IMMP2L: variants seen among roughly 807,000 people sequenced by gnomAD.
IMMP2L encodes the protein mitochondrial inner membrane protease subunit 2.
IMMP2L carries 18 observed loss-of-function variants against 19.3 expected under a neutral mutation model. The observed-to-expected ratio is 0.93, with a 90% CI of 0.64 to 1.38. The LOEUF (loss-of-function observed/expected upper bound fraction) is 1.38. IMMP2L is among the 40% of genes most tolerant of loss of function. IMMP2L has a pLI of 0.00. For missense variants in IMMP2L, 233 were observed against 218.2 expected (o/e 1.07, Z -0.43); for synonymous variants, 76 against 73.0 (o/e 1.04, Z -0.21).
At chr7:111,337,905 T>A (rs1249890000) in intron 3 of IMMP2L, among the ~76,000 whole-genome samples, 1 of 152,140 alleles carries the variant, frequency 6.6e-6, no homozygotes, top group Non-Finnish European at 1.5e-5. Context: ...AAATCTGTCA[T>A]GTGAAGGCCT....
At chr7:110,666,695 C>T (rs765444187) in intron 5 of IMMP2L, among the ~76,000 whole-genome samples, 5 of 152,098 alleles carry the variant, frequency 3.3e-5, no homozygotes, top group Non-Finnish European at 5.9e-5. Flanking sequence ...CCTCACCTTC[C>T]GCACTCCATA....
chr7:111,352,845 A>G (rs1828314293), intron 3 of IMMP2L, among the ~76,000 whole-genome samples: 1 of 152,096 alleles, frequency 6.6e-6, no homozygotes, highest in Admixed American at 6.6e-5. Context: ...GTAGACTCTA[A>G]TCATGTATTC....
At chr7:110,743,567 T>G (rs943465548) in intron 5 of IMMP2L, among the ~76,000 whole-genome samples, 40 of 152,326 alleles carry the variant, frequency 2.6e-4, no homozygotes, top group African/African-American at 8.9e-4. Context: ...AGGTGATTTC[T>G]GCATTTCCAA....
chr7:111,260,466 G>A (rs964510851), intron 3 of IMMP2L, among the ~76,000 whole-genome samples: 2 of 152,110 alleles, frequency 1.3e-5, no homozygotes, highest in Non-Finnish European at 2.9e-5. Context: ...CCCTTGGCCA[G>A]TTCACTACAG....
At chr7:110,891,916 G>A (rs1810838515) in intron 4 of IMMP2L, among the ~76,000 whole-genome samples, 1 of 152,124 alleles carries the variant, frequency 6.6e-6, no homozygotes, top group Non-Finnish European at 1.5e-5. Flanking sequence ...TCCAAAGAAA[G>A]AGAATAAAAA....
At chr7:111,544,727 A>G (rs1193418787) in intron 1 of IMMP2L, among the ~76,000 whole-genome samples, 1 of 152,066 alleles carries the variant, frequency 6.6e-6, no homozygotes, top group Non-Finnish European at 1.5e-5. Flanking sequence ...AAATAAGGTG[A>G]GAGAAAAGCA....
Position 111,410,901 on chromosome 7 carries a change from G to C in IMMP2L, c.239+76337C>G, listed in dbSNP as rs1290762477. On this transcript the variant is annotated intron_variant, in intron 3 of 5. Coordinates refer to ENST00000405709, the MANE Select transcript of IMMP2L (RefSeq NM_032549.4). The stretch of plus-strand genomic sequence containing the variant: ...ATAAACAGTCTTGGTAACATGTGAG[G>C]GCAACAACAATCTAACATTTTTATA... Among the ~76,000 whole-genome samples the C allele has an allele frequency of 2.0e-5, 3 of 150,978 alleles. 1 individual carries two copies. The highest frequency in any genetic ancestry group is 7.3e-5 in the African/African-American group (3 of 40,866).
chr7:111,138,012 T>A (rs1802511581), intron 3 of IMMP2L, among the ~76,000 whole-genome samples: 1 of 152,134 alleles, frequency 6.6e-6, no homozygotes, highest in African/African-American at 2.4e-5. Flanking sequence ...GTTTTTTTTG[T>A]ACAAATGGGG....
At chr7:110,940,638 TC>T (rs1816642800) in intron 4 of IMMP2L, among the ~76,000 whole-genome samples, 1 of 152,134 alleles carries the variant, frequency 6.6e-6, no homozygotes, top group Non-Finnish European at 1.5e-5. Flanking sequence ...AATCTCCTCA[TC>T]TATAACGTGA....
chr7:110,791,308 C>T (rs147896638), intron 5 of IMMP2L, among the ~76,000 whole-genome samples: 1 of 151,554 alleles, frequency 6.6e-6, no homozygotes, highest in East Asian at 2.0e-4. Flanking sequence ...TTGGTGCTAT[C>T]CAAGCAGAAA....
At chr7:111,173,153 G>A (rs1806642287) in intron 3 of IMMP2L, among the ~76,000 whole-genome samples, 1 of 151,466 alleles carries the variant, frequency 6.6e-6, no homozygotes, top group Non-Finnish European at 1.5e-5. Flanking sequence ...TACTACTGAA[G>A]TGTTGCAGTC....
intron 3 of IMMP2L, among the ~76,000 whole-genome samples, chr7:111,215,990 C>A (rs940632801): frequency 2.0e-5 from 3 of 152,136 alleles, no homozygotes; most frequent in Non-Finnish European, 4.4e-5. Flanking sequence ...GAAATTCATA[C>A]TTGTTAAGTC....
intron 3 of IMMP2L, among the ~76,000 whole-genome samples, chr7:111,010,059 T>G (rs1824771507): frequency 6.6e-6 from 1 of 152,270 alleles, no homozygotes; most frequent in South Asian, 2.1e-4. Context: ...GTTTCAACTA[T>G]ATCAGCATAT....
chr7:110,908,998 C>T (rs957080282), intron 4 of IMMP2L, among the ~76,000 whole-genome samples: 4 of 152,084 alleles, frequency 2.6e-5, no homozygotes, highest in Admixed American at 2.6e-4. Flanking sequence ...GAGAAAGGTA[C>T]AGGAAGCCAA....
At chr7:111,315,772 G>A (rs531242903) in intron 3 of IMMP2L, among the ~76,000 whole-genome samples, 3 of 150,788 alleles carry the variant, frequency 2.0e-5, no homozygotes, top group African/African-American at 7.3e-5. Flanking sequence ...TAATAAAAAG[G>A]TGAGTATTAC....
chr7:111,325,075 G>A (rs1825168176), intron 3 of IMMP2L, among the ~76,000 whole-genome samples: 1 of 151,756 alleles, frequency 6.6e-6, no homozygotes, highest in Admixed American at 6.6e-5. Context: ...CCATCTCATA[G>A]AGAATGCAAT....
chr7:111,147,226 T>C (rs901978986), intron 3 of IMMP2L, among the ~76,000 whole-genome samples: 1 of 152,112 alleles, frequency 6.6e-6, no homozygotes, highest in African/African-American at 2.4e-5. Context: ...CCGTTGTTGT[T>C]GCTGTTGTTG....
intron 3 of IMMP2L, among the ~76,000 whole-genome samples, chr7:110,966,602 A>C (rs566526320): frequency 7.2e-4 from 110 of 152,004 alleles, no homozygotes; most frequent in Non-Finnish European, 1.3e-3. Flanking sequence ...AGAGTATGCA[A>C]AGGGAGCTAT....
chr7:111,466,450 T>C (rs536149571), intron 3 of IMMP2L, among the ~76,000 whole-genome samples: 3 of 152,152 alleles, frequency 2.0e-5, no homozygotes, highest in Non-Finnish European at 2.9e-5. Context: ...AAACCATCTT[T>C]TTAAAGTAAA....
Sources: allele counts gnomAD v4.1 joint callset (sites outside exome capture counted in the v4.1 genomes callset), GRCh38; gene constraint gnomAD v4.1.1; transcripts MANE v1.5; gene names NCBI Gene and HGNC (gene_info 2026-07-23, HGNC 2026-07-21).